Variants in TMTC2 observed in about 807,000 individuals in gnomAD.
TMTC2 encodes transmembrane O-mannosyltransferase targeting cadherins 2.
A neutral mutation model predicts 82.4 loss-of-function variants in TMTC2; 43 were observed. The observed-to-expected ratio is 0.52, with a 90% confidence interval of 0.41 to 0.67. TMTC2 has a LOEUF of 0.67. Ranked by LOEUF, TMTC2 falls within the 30% of genes least tolerant of loss-of-function variation. The pLI, the probability that TMTC2 is intolerant of heterozygous loss-of-function variation, is 0.00. For synonymous variants in TMTC2, 408 were observed against 381.9 expected (o/e 1.07, Z -0.80); for missense variants, 919 against 1,012.4 (o/e 0.91, Z 1.25).
chr12:82,956,857 T>C (rs970794466), intron 4 of TMTC2, among the ~76,000 whole-genome samples: 1 of 152,180 alleles, frequency 6.6e-6, no homozygotes, highest in African/African-American at 2.4e-5. Context: ...TAAATATGTA[T>C]GCATTCCACA....
Position 83,074,346 on chromosome 12 carries a change from C to T in TMTC2, c.2331+12515C>T, listed in dbSNP as rs147180933. The stretch of plus-strand genomic sequence containing the variant: ...GTGAACCATCTGTGGGTCTCTCAGC[C>T]GTGGATACCAGCACCTGTTCTGGTG... On this transcript the variant is annotated intron_variant, in intron 11 of 11. Coordinates refer to ENST00000321196, the MANE Select transcript of TMTC2 (RefSeq NM_152588.3). Among the ~76,000 whole-genome samples, 272 of 152,192 alleles carry T rather than the reference C, an allele frequency of 1.8e-3. 3 individuals are homozygous for T. In the East Asian group the frequency reaches 0.037, roughly 20 times the overall value.
intron 1 of TMTC2, among the ~76,000 whole-genome samples, chr12:82,851,144 A>G (rs1870954752): frequency 6.6e-6 from 1 of 151,928 alleles, no homozygotes; most frequent in African/African-American, 2.4e-5. Flanking sequence ...AATAGCTAAC[A>G]TGTAACCAGG....
At chr12:82,944,842 C>G (rs534539189) in intron 4 of TMTC2, among the ~76,000 whole-genome samples, 1 of 152,240 alleles carries the variant, frequency 6.6e-6, no homozygotes, top group African/African-American at 2.4e-5. Context: ...CAGAGAACAG[C>G]ATGTTGCTAT....
At chr12:82,959,940 A>G (rs1592658046) in intron 4 of TMTC2, among the ~76,000 whole-genome samples, 1 of 152,222 alleles carries the variant, frequency 6.6e-6, no homozygotes, top group East Asian at 1.9e-4. Context: ...GAGGTCTAAT[A>G]TCCAGAATCT....
In TMTC2 at chr12:83,105,915, A is replaced by G. The variant is rs137904104; in HGVS notation, c.2332-26295A>G. 5.0e-3 allele frequency among the ~76,000 whole-genome samples: 760 copies of G among 152,354 alleles called. 3 individuals are homozygous for G. Among genetic ancestry groups the G allele is most frequent in the Non-Finnish European group, 6.9e-3 (471 of 68,028 alleles). ...ACCATGAATGGGAATCAGCAGAAAT[A>G]AAGTTTAAACCTCTAAAGCCTACAG... On this transcript the variant is annotated intron_variant, in intron 11 of 11. Transcript: ENST00000321196.
chr12:82,901,955 C>T (rs921158387), intron 3 of TMTC2, among the ~76,000 whole-genome samples: 1 of 152,102 alleles, frequency 6.6e-6, no homozygotes, highest in Non-Finnish European at 1.5e-5. Context: ...ACTAAATCTT[C>T]GCCTCTCTGG....
intron 8 of TMTC2, among the ~76,000 whole-genome samples, chr12:82,998,777 GT>G (rs1879786632): frequency 6.6e-6 from 1 of 151,626 alleles, no homozygotes; most frequent in African/African-American, 2.4e-5. Flanking sequence ...GAATTTATTT[GT>G]GTTGCAAACT....
At chr12:83,086,982 A>G (rs1218387502) in intron 11 of TMTC2, among the ~76,000 whole-genome samples, 1 of 152,200 alleles carries the variant, frequency 6.6e-6, no homozygotes, top group Non-Finnish European at 1.5e-5. Context: ...TCCTTTCACA[A>G]AAGATTTCTC....
At chr12:82,767,476 A>G (rs905303948) in intron 1 of TMTC2, among the ~76,000 whole-genome samples, 1 of 152,148 alleles carries the variant, frequency 6.6e-6, no homozygotes, top group African/African-American at 2.4e-5. Flanking sequence ...GATCCCAGCT[A>G]CTTGGGAGGC....
At chr12:83,059,988 G>C (rs1882683244) in intron 10 of TMTC2, among the ~76,000 whole-genome samples, 1 of 151,520 alleles carries the variant, frequency 6.6e-6, no homozygotes, top group South Asian at 2.1e-4. Context: ...AATGAATTCT[G>C]GTTCAGATTT....
chr12:83,049,306 C>T (rs942524768), intron 9 of TMTC2, among the ~76,000 whole-genome samples: 6 of 151,870 alleles, frequency 4.0e-5, no homozygotes, highest in African/African-American at 1.2e-4. Context: ...TTTGATCTGC[C>T]CCCTCCCAAC....
At chr12:82,719,087 T>TATA (rs1874062129) in intron 1 of TMTC2, among the ~76,000 whole-genome samples, 1 of 52,242 alleles carries the variant, frequency 1.9e-5, no homozygotes, top group African/African-American at 1.1e-4. Context: ...ATATATATAT[T>TATA]TTTTTTTTTT....
intron 1 of TMTC2, among the ~76,000 whole-genome samples, chr12:82,695,354 C>A (rs7979455): frequency 6.6e-6 from 1 of 152,120 alleles, no homozygotes; most frequent in African/African-American, 2.4e-5. Flanking sequence ...TATAAAGACA[C>A]TGAAAGGATG....
chr12:82,978,809 T>C (rs113422535), intron 7 of TMTC2, among the ~76,000 whole-genome samples: 103 of 151,926 alleles, frequency 6.8e-4, no homozygotes, highest in African/African-American at 2.3e-3. Flanking sequence ...TATTATTGTA[T>C]TGGGGTCTAT....
At chr12:82,704,415 G>C (rs61929531) in intron 1 of TMTC2, among the ~76,000 whole-genome samples, 1,553 of 152,130 alleles carry the variant, frequency 0.01, 10 homozygotes, top group Non-Finnish European at 0.017. Context: ...ATCTTTGGAA[G>C]CACATATAAA....
chr12:83,011,089 C>T (rs1592692551), intron 8 of TMTC2, among the ~76,000 whole-genome samples: 4 of 152,216 alleles, frequency 2.6e-5, no homozygotes, highest in African/African-American at 9.6e-5. Context: ...CCCACGTCGG[C>T]ATCCCAAAGT....
At chr12:83,099,491 A>G (rs1441377532) in intron 11 of TMTC2, among the ~76,000 whole-genome samples, 3 of 152,166 alleles carry the variant, frequency 2.0e-5, no homozygotes, top group Non-Finnish European at 4.4e-5. Flanking sequence ...TTATTAATAT[A>G]TTTTACTTTT....
chr12:82,967,147 A>T (rs1360091341), intron 7 of TMTC2, 150 bp downstream of exon 7: 7 of 634,464 alleles, frequency 1.1e-5, no homozygotes, highest in Non-Finnish European at 1.6e-5. Flanking sequence ...AAATTCTGAC[A>T]GAGCATATTT....
chr12:82,776,615 GAAAAAAAA>G (rs750550745), intron 1 of TMTC2, among the ~76,000 whole-genome samples: 1 of 87,374 alleles, frequency 1.1e-5, no homozygotes, highest in Admixed American at 1.4e-4. Context: ...TGTCTCTAAT[GAAAAAAAA>G]AAAAAAAAAA....
Sources: allele counts gnomAD v4.1 joint callset (sites outside exome capture counted in the v4.1 genomes callset), GRCh38; gene constraint gnomAD v4.1.1; transcripts MANE v1.5; gene names NCBI Gene and HGNC (gene_info 2026-07-23, HGNC 2026-07-21).